CADM2: variants seen among roughly 807,000 people sequenced by gnomAD.
CADM2 encodes the protein immunoglobulin superfamily member 4D.
CADM2 carries 12 observed loss-of-function variants against 49.8 expected under a neutral mutation model. The observed-to-expected ratio is 0.24, with a 90% confidence interval of 0.15 to 0.39. The LOEUF (loss-of-function observed/expected upper bound fraction) is 0.39, where lower values mean the gene tolerates loss of function less well. CADM2 is among the 10% of genes least tolerant of loss of function. The probability of loss-of-function intolerance (pLI) is 1.00; values close to 1 mark genes in which losing one functional copy is unlikely to be tolerated. For missense variants in CADM2, 378 were observed against 492.3 expected (o/e 0.77, Z 2.20); for synonymous variants, 214 against 175.4 (o/e 1.22, Z -1.74).
intron 8 of CADM2, among the ~76,000 whole-genome samples, chr3:85,974,745 T>G (rs1357282637): frequency 6.6e-6 from 1 of 151,726 alleles, no homozygotes; most frequent in African/African-American, 2.4e-5. Context: ...CAGCGTTCAC[T>G]CACATGAATA....
intron 1 of CADM2, chr3:85,385,676 T>C (rs1165777856): frequency 6.6e-6 from 1 of 151,972 alleles, no homozygotes; most frequent in Non-Finnish European, 1.5e-5. Context: ...ATGTTCAACA[T>C]TGATTTTTTT....
chr3:85,860,612 T>A (rs1374834547), intron 3 of CADM2, among the ~76,000 whole-genome samples: 1 of 152,154 alleles, frequency 6.6e-6, no homozygotes, highest in East Asian at 1.9e-4. Context: ...GATAGCACCA[T>A]CTTCTTGTGT....
chr3:85,253,782 A>G (rs367736523), intron 1 of CADM2, among the ~76,000 whole-genome samples: 41 of 152,226 alleles, frequency 2.7e-4, no homozygotes, highest in Middle Eastern at 3.4e-3. Flanking sequence ...GTCAAGAAGC[A>G]GACTGGATAA....
chr3:85,308,457 C>T (rs989162644), intron 1 of CADM2, among the ~76,000 whole-genome samples: 1 of 151,778 alleles, frequency 6.6e-6, no homozygotes, highest in Non-Finnish European at 1.5e-5. Context: ...TGAAGAACTT[C>T]AGAGAGAGTT....
intron 1 of CADM2, among the ~76,000 whole-genome samples, chr3:85,098,912 A>G (rs2037907765): frequency 6.6e-6 from 1 of 152,186 alleles, no homozygotes; most frequent in Admixed American, 6.5e-5. Flanking sequence ...CACACTGCTT[A>G]TTACTGTTTG....
rs543887498 is a variant in CADM2 at position 85,764,396 on chromosome 3, T to A, written c.89-37651T>A. On this transcript the variant is annotated intron_variant, in intron 2 of 9. Transcript: ENST00000383699. ...GATGGGAAGATGAAATCTTTTTAAA[T>A]AAGACAATGTCATGAGTAGACATGC... 4.6e-5 allele frequency among the ~76,000 whole-genome samples: 7 copies of A among 152,196 alleles called. No individual in the cohort carries two copies. The East Asian group carries it at 1.4e-3, about 29-fold the overall frequency.
intron 1 of CADM2, among the ~76,000 whole-genome samples, chr3:85,238,093 T>A (rs995689916): frequency 6.6e-6 from 1 of 151,978 alleles, no homozygotes; most frequent in African/African-American, 2.4e-5. Context: ...AATCTTTTCA[T>A]CTGGCTTGGT....
chr3:85,660,076 T>C (rs1018296051), intron 1 of CADM2, among the ~76,000 whole-genome samples: 2 of 152,164 alleles, frequency 1.3e-5, no homozygotes, highest in African/African-American at 2.4e-5. Flanking sequence ...TACCTGCTCA[T>C]TGATTTTCTT....
chr3:85,684,678 T>A (rs1220243848), intron 1 of CADM2, among the ~76,000 whole-genome samples: 2 of 152,170 alleles, frequency 1.3e-5, no homozygotes, highest in East Asian at 1.9e-4. Flanking sequence ...TTAAGAGATA[T>A]GATAATGGTG....
At chr3:85,558,711 T>G (rs952865988) in intron 1 of CADM2, among the ~76,000 whole-genome samples, 8 of 152,058 alleles carry the variant, frequency 5.3e-5, no homozygotes, top group African/African-American at 1.9e-4. Context: ...TTTGGAGAAA[T>G]GTTAATTGAA....
At chr3:85,769,515 GTATATACATATATGTA>G (rs2069924127) in intron 2 of CADM2, among the ~76,000 whole-genome samples, 2 of 30,210 alleles carry the variant, frequency 6.6e-5, no homozygotes, top group Non-Finnish European at 1.2e-4. Context: ...ATATATACAC[GTATATACATATATGTA>G]TATATACACG....
At chr3:85,084,682 T>C (rs1429474225) in intron 1 of CADM2, among the ~76,000 whole-genome samples, 1 of 152,156 alleles carries the variant, frequency 6.6e-6, no homozygotes. Context: ...CCTGTTTCTT[T>C]TTAATGTTTA....
At chr3:85,231,733 A>G (rs1401562668) in intron 1 of CADM2, among the ~76,000 whole-genome samples, 2 of 136,626 alleles carry the variant, frequency 1.5e-5, no homozygotes, top group Non-Finnish European at 3.1e-5. Flanking sequence ...TGTTTTTGAG[A>G]TGAAGTTTTG....
chr3:85,288,037 G>A (rs1417066549), intron 1 of CADM2, among the ~76,000 whole-genome samples: 2 of 151,786 alleles, frequency 1.3e-5, no homozygotes, highest in South Asian at 2.1e-4. Flanking sequence ...CATGGCACAT[G>A]TATACATATG....
chr3:85,338,591 A>G (rs1310479380), intron 1 of CADM2, among the ~76,000 whole-genome samples: 1 of 151,618 alleles, frequency 6.6e-6, no homozygotes, highest in East Asian at 1.9e-4. Flanking sequence ...TGAGGTAGGG[A>G]GTATTTTTCT....
chr3:85,840,039 G>C (rs2074574298), intron 3 of CADM2, among the ~76,000 whole-genome samples: 1 of 151,624 alleles, frequency 6.6e-6, no homozygotes, highest in Admixed American at 6.6e-5. Context: ...TAATTTACCA[G>C]TTCACTCTCC....
chr3:85,469,416 C>T lies in CADM2; in HGVS notation c.62-257106C>T, dbSNP rs1035951837. Among the ~76,000 whole-genome samples the T allele has an allele frequency of 7.2e-5, 11 of 152,180 alleles. No individual in the cohort carries two copies. The South Asian group carries it at 1.0e-3, about 14-fold the overall frequency. On this transcript the variant is annotated intron_variant, in intron 1 of 9. Transcript: ENST00000383699. ...GTGGGAACATAACAGAAAAGACGGG[C>T]CCTGTGTGGACAGACACGCCATGCA... is the stretch of plus-strand genomic sequence containing the variant.
chr3:85,929,678 A>G (rs1267541995), intron 6 of CADM2, among the ~76,000 whole-genome samples: 1 of 152,084 alleles, frequency 6.6e-6, no homozygotes, highest in East Asian at 1.9e-4. Context: ...TCACACATTA[A>G]TATAAATAGT....
intron 1 of CADM2, among the ~76,000 whole-genome samples, chr3:85,113,377 A>C (rs1334075024): frequency 6.6e-6 from 1 of 152,122 alleles, no homozygotes; most frequent in Non-Finnish European, 1.5e-5. Context: ...AATTGTTAAA[A>C]TTAAATGAAG....
Sources: allele counts gnomAD v4.1 joint callset (sites outside exome capture counted in the v4.1 genomes callset), GRCh38; gene constraint gnomAD v4.1.1; transcripts MANE v1.5; gene names NCBI Gene and HGNC (gene_info 2026-07-23, HGNC 2026-07-21).